SLC22A24: variants seen among roughly 807,000 people sequenced by gnomAD.
SLC22A24 encodes steroid transmembrane transporter SLC22A24.
A neutral mutation model predicts 49.8 loss-of-function variants in SLC22A24; 53 were observed. That is an observed-to-expected ratio of 1.06 (90% CI 0.85 to 1.34). The LOEUF (loss-of-function observed/expected upper bound fraction) is 1.34. Ranked by LOEUF, SLC22A24 falls within the 40% of genes most tolerant of loss-of-function variation. SLC22A24 has a pLI of 0.00. For synonymous variants in SLC22A24, 302 were observed against 256.4 expected (o/e 1.18, Z -1.70); for missense variants, 786 against 675.9 (o/e 1.16, Z -1.81).
chr11:63,093,422 G>A (rs2087033062), intron 6 of SLC22A24, among the ~76,000 whole-genome samples: 1 of 152,068 alleles, frequency 6.6e-6, no homozygotes, highest in African/African-American at 2.4e-5. Flanking sequence ...ATTTATAATA[G>A]TAAAGTCTTG....
At chr11:63,083,802 A>T (rs1324311517) in intron 6 of SLC22A24, among the ~76,000 whole-genome samples, 1 of 152,222 alleles carries the variant, frequency 6.6e-6, no homozygotes, top group East Asian at 1.9e-4. Context: ...ATCTGAATTC[A>T]TCAGTCAACT....
intron 7 of SLC22A24, among the ~76,000 whole-genome samples, chr11:63,082,688 G>A (rs1023384409): frequency 1.3e-5 from 2 of 152,216 alleles, no homozygotes; most frequent in Non-Finnish European, 2.9e-5. Flanking sequence ...TTCATTTATG[G>A]TTGAAGACAA....
intron 6 of SLC22A24, among the ~76,000 whole-genome samples, chr11:63,087,666 A>G (rs1034564501): frequency 6.6e-6 from 1 of 152,256 alleles, no homozygotes; most frequent in Admixed American, 6.5e-5. Flanking sequence ...CAGCAAGCTA[A>G]GAACCACTGG....
chr11:63,112,574 T>C (rs1354214221), intron 4 of SLC22A24, among the ~76,000 whole-genome samples: 1 of 152,138 alleles, frequency 6.6e-6, no homozygotes, highest in Non-Finnish European at 1.5e-5. Context: ...AGCTTCTGGA[T>C]TCTTTGATTT....
At chr11:63,139,433 T>G (rs2087398880) in intron 1 of SLC22A24, among the ~76,000 whole-genome samples, 1 of 152,202 alleles carries the variant, frequency 6.6e-6, no homozygotes, top group African/African-American at 2.4e-5. Context: ...ATGAAAGAGC[T>G]TGGTGTGTAA....
chr11:63,101,489 G>C (rs1222222814), intron 5 of SLC22A24, among the ~76,000 whole-genome samples: 1 of 151,778 alleles, frequency 6.6e-6, no homozygotes, highest in Non-Finnish European at 1.5e-5. Context: ...AAACAAATTA[G>C]AAATAAAGCA....
intron 5 of SLC22A24, among the ~76,000 whole-genome samples, chr11:63,097,111 A>G (rs1323466302): frequency 1.3e-5 from 2 of 152,126 alleles, no homozygotes; most frequent in Admixed American, 1.3e-4. Context: ...AGCAAAAGAA[A>G]CTATCATCAT....
chr11:63,105,279 G>A (rs1158261065), intron 4 of SLC22A24, among the ~76,000 whole-genome samples: 1 of 152,040 alleles, frequency 6.6e-6, no homozygotes, highest in Non-Finnish European at 1.5e-5. Flanking sequence ...TCTACAGTTC[G>A]GGGATCCAGA....
chr11:63,090,374 A>G (rs758718278), intron 6 of SLC22A24, among the ~76,000 whole-genome samples: 4 of 152,090 alleles, frequency 2.6e-5, no homozygotes, highest in Admixed American at 6.6e-5. Flanking sequence ...ATAGACATCT[A>G]CAGAACTCTC....
chr11:63,085,208 T>A (rs1397955816), intron 6 of SLC22A24, among the ~76,000 whole-genome samples: 1 of 152,086 alleles, frequency 6.6e-6, no homozygotes, highest in Non-Finnish European at 1.5e-5. Flanking sequence ...ATAAATTTTA[T>A]AATTATGAAA....
intron 4 of SLC22A24, among the ~76,000 whole-genome samples, chr11:63,106,744 T>C (rs1023886666): frequency 1.3e-4 from 20 of 152,232 alleles, no homozygotes; most frequent in African/African-American, 4.8e-4. Context: ...GAAGTGTCTG[T>C]TCATATCCTT....
Position 63,143,552 on chromosome 11 carries a change from G to C in SLC22A24, c.228C>G (p.Ser76=). 6.3e-7 allele frequency: 1 copy of C among 1,581,818 alleles called. No homozygotes were observed. Among genetic ancestry groups the C allele is most frequent in the Non-Finnish European group, 8.6e-7 (1 of 1,165,894 alleles). The part of the protein sequence containing the change: ...TLSKDDLLRI[S]IPLDSNLRPQ... ...GCCTCAGGTTTGAGTCCAGTGGGAT[G>C]GAGATTCTCAGGAGGTCATCCTTGC... is the stretch of plus-strand genomic sequence containing the variant. The change falls in exon 1 of 10, where the codon TCC becomes TCG. Residue 76 remains serine (S), a synonymous_variant. Coordinates refer to ENST00000612278, the MANE Select transcript of SLC22A24 (RefSeq NM_001136506.2).
chr11:63,136,586 A>G, intron 1 of SLC22A24, among the ~76,000 whole-genome samples: 1 of 152,220 alleles, frequency 6.6e-6, no homozygotes, highest in Non-Finnish European at 1.5e-5. Context: ...TTGAGTAATA[A>G]TAAAACTCCG....
intron 1 of SLC22A24, among the ~76,000 whole-genome samples, chr11:63,142,345 G>A (rs572121306): frequency 1.3e-5 from 2 of 152,214 alleles, no homozygotes; most frequent in South Asian, 4.1e-4. Context: ...CCAAAGGGAG[G>A]GATTGAAACT....
At position 63,143,940 on chromosome 11, in the gene SLC22A24, G is replaced by C; in HGVS notation, c.-161C>G. 7 of 479,692 alleles carry C rather than the reference G, an allele frequency of 1.5e-5. No individual in the cohort carries two copies. The highest frequency in any genetic ancestry group is 2.3e-5 in the Non-Finnish European group (7 of 300,796). The allele number at this position is 479,692 out of a possible 1,614,324, so 29.7% of individuals were successfully genotyped here. A position where few individuals can be genotyped will look rare whatever the true frequency, so the allele number is the denominator to read the frequency against. Reference sequence around the variant, plus strand: ...CTGCACTGAGTGGTGTGACACTACTGCAGAAGAGCAGTGGAAGGACTTTCC... The same window carrying C: ...CTGCACTGAGTGGTGTGACACTACTCCAGAAGAGCAGTGGAAGGACTTTCC... On this transcript the variant is annotated 5_prime_UTR_variant, in exon 1 of 10. Transcript: ENST00000612278.
Position 63,134,651 on chromosome 11 carries a change from G to C in SLC22A24, c.506+14C>G. On this transcript the variant is annotated intron_variant, in intron 2 of 9. Transcript: ENST00000612278. ...TCTGATAAACAGCCCCAAAGAAAGT[G>C]AGATGACACTCACCTGTCTGAAAGA... 1 of 1,424,242 alleles carries C rather than the reference G, an allele frequency of 7.0e-7. No homozygotes were observed. The highest frequency in any genetic ancestry group is 9.7e-7 in the Non-Finnish European group (1 of 1,032,192). The allele number at this position is 1,424,242 out of a possible 1,614,324, so 88.2% of individuals were successfully genotyped here.
chr11:63,133,448 G>T (rs2087351192), intron 2 of SLC22A24, among the ~76,000 whole-genome samples: 1 of 152,102 alleles, frequency 6.6e-6, no homozygotes. Flanking sequence ...CATCTTGGAA[G>T]TGATCCCAGG....
rs372722092 is a variant in SLC22A24 at position 63,113,203 on chromosome 11, C to T, written c.830+5709G>A. 7.2e-3 allele frequency among the ~76,000 whole-genome samples: 27 copies of T among 3,744 alleles called. 3 individuals are homozygous for T. Among genetic ancestry groups the T allele is most frequent in the Middle Eastern group, 0.12 (1 of 8 alleles). The allele number at this position is 3,744 out of a possible 152,430, so 2.5% of individuals were successfully genotyped here. A position where few individuals can be genotyped will look rare whatever the true frequency, so the allele number is the denominator to read the frequency against. On this transcript the variant is annotated intron_variant, in intron 4 of 9. Transcript: ENST00000612278. ...ATATATATATACACATATATATATACATATATATACACATATATATATATA... is the reference window on the plus strand; with the variant it reads ...ATATATATATACACATATATATATATATATATATACACATATATATATATA...
At position 63,112,455 on chromosome 11, in the gene SLC22A24, A is replaced by C. The variant is rs559956594; in HGVS notation, c.830+6457T>G. Among the ~76,000 whole-genome samples, 7 of 152,092 alleles carry C rather than the reference A, an allele frequency of 4.6e-5. No homozygotes were observed. The South Asian group carries it at 1.5e-3, about 32-fold the overall frequency. Reference sequence around the variant, plus strand: ...GTCTAATGTTGATAGTGGGGTGTTAAAGTCTCCCATTATTATCGTGTGGGA... The same window carrying C: ...GTCTAATGTTGATAGTGGGGTGTTACAGTCTCCCATTATTATCGTGTGGGA... On this transcript the variant is annotated intron_variant, in intron 4 of 9. Transcript: ENST00000612278.
Sources: gnomAD v4.1 joint callset for allele counts (sites outside exome capture counted in the v4.1 genomes callset) on GRCh38, gnomAD v4.1.1 for gene constraint, MANE v1.5 for transcripts, NCBI Gene and HGNC (gene_info 2026-07-23, HGNC 2026-07-21) for gene names.